The following AGBL4 variants were observed in gnomAD, a reference collection of about 807,000 sequenced individuals.
The protein encoded by AGBL4 is AGBL carboxypeptidase 4.
AGBL4 carries 58 observed loss-of-function variants against 66.4 expected under a neutral mutation model. The ratio of observed to expected loss-of-function variants is 0.87; its 90% CI spans 0.71 to 1.09. AGBL4 has a LOEUF of 1.09. AGBL4 is among the 50% of genes least tolerant of loss of function. The probability of loss-of-function intolerance (pLI) is 0.00; values close to 1 mark genes in which losing one functional copy is unlikely to be tolerated. For synonymous variants in AGBL4, 234 were observed against 222.9 expected, an observed-to-expected ratio of 1.05 and a Z score of -0.44; for missense variants, 579 against 631.0, an observed-to-expected ratio of 0.92 and a Z score of 0.88.
intron 6 of AGBL4, chr1:48,742,775 G>A (rs747515236): frequency 6.4e-7 from 1 of 1,564,290 alleles, no homozygotes; most frequent in Non-Finnish European, 8.7e-7. Flanking sequence ...GCGGGACCTA[G>A]GCAGTTAAGA....
intron 9 of AGBL4, among the ~76,000 whole-genome samples, chr1:48,608,783 G>A (rs1645192002): frequency 6.6e-6 from 1 of 151,858 alleles, no homozygotes; most frequent in Non-Finnish European, 1.5e-5. Flanking sequence ...ACCAGATATA[G>A]CATGATATCC....
chr1:48,548,107 T>C (rs996602897), intron 11 of AGBL4, among the ~76,000 whole-genome samples: 53 of 152,300 alleles, frequency 3.5e-4, no homozygotes, highest in African/African-American at 1.2e-3. Context: ...TCTGTCTTTA[T>C]GGAGTTTAAA....
intron 2 of AGBL4, among the ~76,000 whole-genome samples, chr1:49,762,659 G>A (rs1172459094): frequency 3.3e-5 from 5 of 152,254 alleles, no homozygotes; most frequent in African/African-American, 9.6e-5. Flanking sequence ...TGCTCTGCCC[G>A]CCTTGGCCTC....
intron 2 of AGBL4, among the ~76,000 whole-genome samples, chr1:49,730,547 C>A (rs147163862): frequency 6.6e-6 from 1 of 152,290 alleles, no homozygotes; most frequent in Admixed American, 6.5e-5. Context: ...CAAGGAGTGA[C>A]AGAAGCTGTG....
At chr1:49,814,300 C>G (rs966095246) in intron 2 of AGBL4, among the ~76,000 whole-genome samples, 7 of 152,118 alleles carry the variant, frequency 4.6e-5, no homozygotes, top group African/African-American at 1.7e-4. Context: ...GAAGTTCAAA[C>G]ACTCTGAAGT....
At chr1:49,400,645 TTTTAA>T (rs1176431858) in intron 3 of AGBL4, among the ~76,000 whole-genome samples, 1 of 152,168 alleles carries the variant, frequency 6.6e-6, no homozygotes, top group East Asian at 1.9e-4. Context: ...AAAGATTACT[TTTTAA>T]TTTCTTTTTC....
At chr1:49,096,165 C>T (rs1455307356) in intron 4 of AGBL4, among the ~76,000 whole-genome samples, 1 of 151,274 alleles carries the variant, frequency 6.6e-6, no homozygotes, top group Non-Finnish European at 1.5e-5. Flanking sequence ...GTTAGAATGG[C>T]GATCATTAAA....
intron 6 of AGBL4, among the ~76,000 whole-genome samples, chr1:48,728,280 G>A (rs562366391): frequency 3.3e-5 from 5 of 152,014 alleles, no homozygotes; most frequent in African/African-American, 4.8e-5. Context: ...CCACTCAGTG[G>A]AGCAGGATAC....
chr1:49,107,692 TGTGAGAGAGAGA>T lies in AGBL4; in HGVS notation c.378-61904_378-61893del, dbSNP rs1342308980. 3.5e-3 allele frequency among the ~76,000 whole-genome samples: 414 copies of T among 117,820 alleles called. 2 individuals are homozygous for T. Among genetic ancestry groups the T allele is most frequent in the African/African-American group, 7.1e-3 (207 of 29,110 alleles). The allele number at this position is 117,820 out of a possible 152,430, so 77.3% of individuals were successfully genotyped here. ...ATGTGTATGTGTGTGTGTGTGTGTG[TGTGAGAGAGAGA>T]GAGAGAGAGAGAGAGAGAGAGAGAG... On this transcript the variant is annotated intron_variant, in intron 4 of 13. Coordinates refer to ENST00000371839, the MANE Select transcript of AGBL4 (RefSeq NM_032785.4).
chr1:48,768,614 T>C (rs1455120245), intron 6 of AGBL4, among the ~76,000 whole-genome samples: 3 of 152,180 alleles, frequency 2.0e-5, no homozygotes, highest in Admixed American at 6.5e-5. Context: ...TACAGTATTA[T>C]TAAAATGGGA....
chr1:48,902,181 T>C (rs563700946), intron 5 of AGBL4, among the ~76,000 whole-genome samples: 19 of 152,332 alleles, frequency 1.2e-4, no homozygotes, highest in African/African-American at 4.3e-4. Context: ...AGCCAAACCA[T>C]ATCAGATAGT....
At chr1:48,522,898 C>G in the AGBL4 span, among the ~76,000 whole-genome samples, 6 of 149,338 alleles carry the variant, frequency 4.0e-5, no homozygotes, top group Admixed American at 4.0e-4. Flanking sequence ...TGCGCTCCAG[C>G]CTGGGCGACA....
chr1:49,367,542 T>C (rs557919678), intron 3 of AGBL4, among the ~76,000 whole-genome samples: 2 of 152,286 alleles, frequency 1.3e-5, no homozygotes, highest in African/African-American at 2.4e-5. Flanking sequence ...GCCTCAGGTA[T>C]CCCTTTATAG....
chr1:49,143,238 C>G (rs2148100776), intron 4 of AGBL4, among the ~76,000 whole-genome samples: 1 of 152,274 alleles, frequency 6.6e-6, no homozygotes, highest in East Asian at 1.9e-4. Flanking sequence ...ACACACCAAA[C>G]TGTTAGTTCT....
chr1:49,835,696 G>A (rs1645829615), intron 2 of AGBL4, among the ~76,000 whole-genome samples: 1 of 152,152 alleles, frequency 6.6e-6, no homozygotes, highest in South Asian at 2.1e-4. Flanking sequence ...GTATGTTTTT[G>A]CAGTGGCTGG....
At chr1:48,910,591 T>C (rs555376239) in intron 5 of AGBL4, among the ~76,000 whole-genome samples, 116 of 152,086 alleles carry the variant, frequency 7.6e-4, no homozygotes, top group Admixed American at 1.3e-3. Flanking sequence ...ATTTAGGAAC[T>C]TCACAAACAA....
chr1:49,899,481 A>G lies in AGBL4; in HGVS notation c.35-47963T>C, dbSNP rs150271980. On this transcript the variant is annotated intron_variant, in intron 1 of 13. Transcript: ENST00000371839. ...ACACTTTACATGCCTGTATCAAAGGACACTTACTATATATCCACAAAAAAA... is the reference window on the plus strand; with the variant it reads ...ACACTTTACATGCCTGTATCAAAGGGCACTTACTATATATCCACAAAAAAA... Among the ~76,000 whole-genome samples, 69 of 151,930 alleles carry G rather than the reference A, an allele frequency of 4.5e-4. 1 individual carries two copies. In the East Asian group the frequency reaches 0.012, roughly 27 times the overall value.
intron 5 of AGBL4, among the ~76,000 whole-genome samples, chr1:48,992,538 G>A (rs1571179362): frequency 6.6e-6 from 1 of 152,094 alleles, no homozygotes; most frequent in South Asian, 2.1e-4. Context: ...AGGCGGCAAG[G>A]CCAGCCAGGC....
At chr1:49,178,936 G>A (rs12064172) in intron 4 of AGBL4, among the ~76,000 whole-genome samples, 20,030 of 152,186 alleles carry the variant, frequency 0.13, 1,911 homozygotes, top group African/African-American at 0.27. Context: ...CTTGGTTAGA[G>A]ATGGTATCAA....
Sources: allele counts gnomAD v4.1 joint callset (sites outside exome capture counted in the v4.1 genomes callset), GRCh38; gene constraint gnomAD v4.1.1; transcripts MANE v1.5; gene names NCBI Gene and HGNC (gene_info 2026-07-23, HGNC 2026-07-21).